EPS8: variants seen among roughly 807,000 people sequenced by gnomAD.
EPS8 encodes EGFR pathway substrate 8, signaling adaptor, also known as epidermal growth factor receptor kinase substrate 8.
EPS8 carries 42 observed loss-of-function variants against 103.8 expected under a neutral mutation model. The ratio of observed to expected loss-of-function variants is 0.40; its 90% CI spans 0.32 to 0.52. The LOEUF is 0.52. Among genes scored for constraint, EPS8 ranks in the 20% least tolerant of loss-of-function variants. The pLI, the probability that EPS8 is intolerant of heterozygous loss-of-function variation, is 0.40. For synonymous variants in EPS8, 344 were observed against 344.6 expected, an observed-to-expected ratio of 1.00 and a Z score of 0.02; for missense variants, 969 against 1,005.1, an observed-to-expected ratio of 0.96 and a Z score of 0.49.
At position 15,771,057 on chromosome 12, in the gene EPS8, A is replaced by G. The variant is rs944582470; in HGVS notation, c.-22+18104T>C. Among the ~76,000 whole-genome samples the G allele has an allele frequency of 1.1e-4, 17 of 152,194 alleles. No individual in the cohort carries two copies. The highest frequency in any genetic ancestry group is 4.1e-4 in the African/African-American group (17 of 41,444). The stretch of plus-strand genomic sequence containing the variant: ...TATAAATTACAGTTCACGAAAGAAA[A>G]TAAGTGCCTAGGCGATCCTGAGAAA... On this transcript the variant is annotated intron_variant, in intron 1 of 20. Transcript: ENST00000281172. The surrounding 1 kb of genome is among the most constrained non-coding windows in gnomAD (Gnocchi z 4.6).
At position 15,693,378 on chromosome 12, in the gene EPS8, C is replaced by G. The variant is rs1014064701; in HGVS notation, c.-21-10406G>C. ...CGAGTTCTCTAGTTCACATTCTCCACAGAATAAACTACTGGTTTTACTGGA... is the reference window on the plus strand; with the variant it reads ...CGAGTTCTCTAGTTCACATTCTCCAGAGAATAAACTACTGGTTTTACTGGA... On this transcript the variant is annotated intron_variant, in intron 1 of 20. Coordinates refer to ENST00000281172, the MANE Select transcript of EPS8 (RefSeq NM_004447.6). This position sits in a 1 kb window ranked among gnomAD's most constrained non-coding sequence, Gnocchi z 5.6. Among the ~76,000 whole-genome samples, 1 of 152,230 alleles carries G rather than the reference C, an allele frequency of 6.6e-6. No individual in the cohort carries two copies. Among genetic ancestry groups the G allele is most frequent in the Admixed American group, 6.5e-5 (1 of 15,280 alleles).
intron 1 of EPS8, among the ~76,000 whole-genome samples, chr12:15,739,793 C>T (rs1394660808): frequency 1.3e-5 from 2 of 152,108 alleles, no homozygotes; most frequent in Non-Finnish European, 2.9e-5. Flanking sequence ...TCCACCCATC[C>T]ATCCATAAAT....
chr12:15,706,612 T>C lies in EPS8; in HGVS notation c.-21-23640A>G, dbSNP rs114849757. Among the ~76,000 whole-genome samples the C allele has an allele frequency of 8.1e-3, 1,228 of 152,344 alleles. 16 individuals carry two copies. Among genetic ancestry groups the C allele is most frequent in the African/African-American group, 0.028 (1,145 of 41,570 alleles). On this transcript the variant is annotated intron_variant, in intron 1 of 20. Transcript: ENST00000281172. The surrounding 1 kb of genome is among the most constrained non-coding windows in gnomAD (Gnocchi z 5.2). ...AAGTACTAGCTGGTATACTTTCTATTGAAGCAAAACACACTTTTGTATTTT... is the reference window on the plus strand; with the variant it reads ...AAGTACTAGCTGGTATACTTTCTATCGAAGCAAAACACACTTTTGTATTTT...
chr12:15,775,077 C>A (rs541983653), intron 1 of EPS8, among the ~76,000 whole-genome samples: 1 of 152,006 alleles, frequency 6.6e-6, no homozygotes, highest in Non-Finnish European at 1.5e-5. Context: ...TGTTAGAATG[C>A]GCTTGGCCCC....
rs1946265624 is a variant in EPS8 at position 15,698,127 on chromosome 12, G to A, written c.-21-15155C>T. 6.6e-6 allele frequency among the ~76,000 whole-genome samples: 1 copy of A among 152,004 alleles called. No individual in the cohort carries two copies. Among genetic ancestry groups the A allele is most frequent in the African/African-American group, 2.4e-5 (1 of 41,372 alleles). On this transcript the variant is annotated intron_variant, in intron 1 of 20. Coordinates refer to ENST00000281172, the MANE Select transcript of EPS8 (RefSeq NM_004447.6). The surrounding 1 kb of genome is among the most constrained non-coding windows in gnomAD (Gnocchi z 4.9). The stretch of plus-strand genomic sequence containing the variant: ...ATGAAAGAAATATGTATTTTAAAAG[G>A]CTTTCTGAAACTGTTTAATAAAGGA...
At chr12:15,650,707 A>G in intron 14 of EPS8, 116 bp downstream of exon 14, 1 of 857,164 alleles carries the variant, frequency 1.2e-6, no homozygotes, top group African/African-American at 1.7e-5. Context: ...TAACATTCAG[A>G]CTTTGATTCT....
chr12:15,656,911 A>G (rs1945516671), intron 12 of EPS8, among the ~76,000 whole-genome samples: 1 of 152,084 alleles, frequency 6.6e-6, no homozygotes, highest in Non-Finnish European at 1.5e-5. Context: ...CAAATTTATA[A>G]CCAAATCAGA....
chr12:15,646,717 T>A (rs909436813), intron 15 of EPS8, among the ~76,000 whole-genome samples: 1 of 152,178 alleles, frequency 6.6e-6, no homozygotes, highest in Non-Finnish European at 1.5e-5. Context: ...TTTAAATATA[T>A]CTGTCTAAAG....
At chr12:15,675,556 GC>G (rs1325953539) in intron 3 of EPS8, among the ~76,000 whole-genome samples, 2 of 152,182 alleles carry the variant, frequency 1.3e-5, no homozygotes, top group African/African-American at 4.8e-5. Flanking sequence ...CTGAGACTGT[GC>G]CACGGCACTC....
intron 1 of EPS8, among the ~76,000 whole-genome samples, chr12:15,766,135 A>G (rs1385882307): frequency 6.6e-6 from 1 of 151,774 alleles, no homozygotes; most frequent in African/African-American, 2.4e-5. Context: ...AACAGAGAAA[A>G]AAAATACTCT....
At chr12:15,627,830 G>A (rs551708909) in intron 18 of EPS8, among the ~76,000 whole-genome samples, 2 of 152,276 alleles carry the variant, frequency 1.3e-5, no homozygotes, top group African/African-American at 4.8e-5. Flanking sequence ...GGTACATTAT[G>A]TTCGTTGTTT....
intron 1 of EPS8, among the ~76,000 whole-genome samples, chr12:15,710,814 A>G (rs1946452555): frequency 6.6e-6 from 1 of 152,084 alleles, no homozygotes; most frequent in South Asian, 2.1e-4. Flanking sequence ...ATGATAACCT[A>G]CCTTATTATA....
In EPS8 at chr12:15,660,682, G is replaced by A. The variant is rs764649603; in HGVS notation, c.869C>T (p.Ala290Val). 3 of 1,611,812 alleles carry A rather than the reference G, an allele frequency of 1.9e-6. No homozygotes were observed. Among genetic ancestry groups the A allele is most frequent in the Non-Finnish European group, 2.5e-6 (3 of 1,178,292 alleles). The change falls in exon 10 of 21, where the codon GCA becomes GTA. Residue 290 changes from alanine to valine, a missense_variant. Coordinates refer to ENST00000281172, the MANE Select transcript of EPS8 (RefSeq NM_004447.6). The part of the protein sequence containing the change: ...IEFFITKLQK[A>V]AEAFSELSKR... ...AGAAAGCTCAGAAAATGCTTCTGCT[G>A]CTTTTTGGAGTTTTGTGATAAAAAA...
intron 1 of EPS8, among the ~76,000 whole-genome samples, chr12:15,687,220 T>C (rs975624739): frequency 6.6e-6 from 1 of 152,152 alleles, no homozygotes; most frequent in African/African-American, 2.4e-5. Context: ...TCCAGTACCA[T>C]TGGTAAAGAC....
Position 15,624,367 on chromosome 12 carries a change from G to T in EPS8, c.2085C>A (p.Ile695=), listed in dbSNP as rs1383752060. The T allele has an allele frequency of 1.3e-6, 2 of 1,592,902 alleles. No individual in the cohort carries two copies. The highest frequency in any genetic ancestry group is 1.7e-6 in the Non-Finnish European group (2 of 1,166,104). The change falls in exon 19 of 21, where the codon ATC becomes ATA. Residue 695 remains isoleucine, a synonymous_variant. Transcript: ENST00000281172. ...CACTCCGACCAATGGTCAGTCTGTGGATGAGTTCATCTTGCACTTCCTCCA... is the reference window on the plus strand; with the variant it reads ...CACTCCGACCAATGGTCAGTCTGTGTATGAGTTCATCTTGCACTTCCTCCA... ...SQMEEVQDEL[I]HRLTIGRSAA...
chr12:15,649,864 C>A (rs1945381853), intron 14 of EPS8, among the ~76,000 whole-genome samples: 1 of 152,052 alleles, frequency 6.6e-6, no homozygotes, highest in Non-Finnish European at 1.5e-5. Flanking sequence ...ATTATAAATA[C>A]CTATGATAGT....
intron 18 of EPS8, among the ~76,000 whole-genome samples, chr12:15,629,477 A>G (rs542558641): frequency 3.0e-4 from 46 of 152,358 alleles, no homozygotes; most frequent in Admixed American, 9.1e-4. Flanking sequence ...GGAACTCAAT[A>G]AAAATATTTA....
In EPS8 at chr12:15,780,203, T is replaced by C. The variant is rs545719442; in HGVS notation, c.-22+8958A>G. The C allele has an allele frequency of 6.6e-6, 1 of 152,142 alleles. No homozygotes were observed. Among genetic ancestry groups the C allele is most frequent in the African/African-American group, 2.4e-5 (1 of 41,420 alleles). 9.4% of individuals were successfully genotyped at this position (152,142 alleles called of 1,614,324 possible). A position where few individuals can be genotyped will look rare whatever the true frequency, so the allele number is the denominator to read the frequency against. ...CAATGTAATGAATACTCTATTGTAT[T>C]GTTACTTACAAAAATGAAAAATAAC... is the stretch of plus-strand genomic sequence containing the variant. On this transcript the variant is annotated intron_variant, in intron 1 of 20. Transcript: ENST00000281172. The surrounding 1 kb of genome is among the most constrained non-coding windows in gnomAD (Gnocchi z 4.1).
Position 15,621,288 on chromosome 12 carries a change from A to C in EPS8, c.*29T>G. The C allele has an allele frequency of 8.2e-7, 1 of 1,212,972 alleles. No homozygotes were observed. Among genetic ancestry groups the C allele is most frequent in the South Asian group, 1.4e-5 (1 of 72,362 alleles). 75.1% of individuals were successfully genotyped at this position (1,212,972 alleles called of 1,614,324 possible). A position where few individuals can be genotyped will look rare whatever the true frequency, so the allele number is the denominator to read the frequency against. ...AAAGCATGTTGGAATAATGCCAAAA[A>C]CAATGGAGTTTAAATACAAACAAAC... is the stretch of plus-strand genomic sequence containing the variant. On this transcript the variant is annotated 3_prime_UTR_variant, in exon 21 of 21. Transcript: ENST00000281172.
Sources: allele counts gnomAD v4.1 joint callset (sites outside exome capture counted in the v4.1 genomes callset), GRCh38; gene constraint gnomAD v4.1.1; non-coding constraint Gnocchi (gnomAD v3.1); transcripts MANE v1.5; gene names NCBI Gene and HGNC (gene_info 2026-07-23, HGNC 2026-07-21).